The following ZC3H12B variants were observed in gnomAD, a reference collection of about 807,000 sequenced individuals.
ZC3H12B encodes zinc finger CCCH-type containing 12B, also known as probable ribonuclease ZC3H12B.
In ZC3H12B, 7 loss-of-function variants were observed where a neutral mutation model predicts 43.9. The ratio of observed to expected loss-of-function variants is 0.16; its 90% CI spans 0.09 to 0.30. The LOEUF is 0.30. Ranked by LOEUF, ZC3H12B falls within the 10% of genes least tolerant of loss-of-function variation. The pLI is 1.00. For missense variants in ZC3H12B, 475 were observed against 670.2 expected (o/e 0.71, Z 3.22); for synonymous variants, 222 against 241.7 (o/e 0.92, Z 0.76).
At chrX:65,221,318 C>A in the ZC3H12B span, among the ~76,000 whole-genome samples, 74 of 110,878 alleles carry the variant, frequency 6.7e-4, no homozygotes, top group African/African-American at 2.2e-3. Context: ...CCAAATCTAG[C>A]AGAAGAAAAT....
the ZC3H12B span, among the ~76,000 whole-genome samples, chrX:65,132,734 A>C: frequency 9.0e-6 from 1 of 111,562 alleles, no homozygotes; most frequent in East Asian, 2.8e-4. Flanking sequence ...CAATACCCAC[A>C]ACAGTTATGG....
chrX:65,182,277 G>A, the ZC3H12B span, among the ~76,000 whole-genome samples: 1 of 110,881 alleles, frequency 9.0e-6, no homozygotes. Context: ...GGGAGGGAGA[G>A]CATTAGGACA....
At chrX:65,080,602 A>C in the ZC3H12B span, among the ~76,000 whole-genome samples, 2 of 111,849 alleles carry the variant, frequency 1.8e-5, no homozygotes, top group Non-Finnish European at 3.8e-5. Flanking sequence ...AAGAAAAAAA[A>C]CTTTCACCCT....
intron 2 of ZC3H12B, among the ~76,000 whole-genome samples, chrX:65,387,874 G>A (rs1419017101): frequency 1.8e-5 from 2 of 112,368 alleles, no homozygotes; most frequent in African/African-American, 6.4e-5. Context: ...TGTCTGTAAA[G>A]GATTTTATTT....
At chrX:65,288,950 T>G in the ZC3H12B span, among the ~76,000 whole-genome samples, 1 of 111,069 alleles carries the variant, frequency 9.0e-6, no homozygotes, top group Non-Finnish European at 1.9e-5. Flanking sequence ...ATTAAAAATG[T>G]TCTAGCTGAG....
the ZC3H12B span, among the ~76,000 whole-genome samples, chrX:65,052,292 T>A: frequency 1.8e-5 from 2 of 111,756 alleles, no homozygotes; most frequent in African/African-American, 6.5e-5. Context: ...ATATATCCAC[T>A]CAAGAATTTA....
the ZC3H12B span, among the ~76,000 whole-genome samples, chrX:65,122,333 G>A: frequency 5.4e-5 from 6 of 110,923 alleles, no homozygotes; most frequent in Admixed American, 3.8e-4. Context: ...ACAAGCAAAT[G>A]CTGAGAGATT....
At chrX:65,438,706 G>C (rs2067258736) in intron 3 of ZC3H12B, among the ~76,000 whole-genome samples, 2 of 113,394 alleles carry the variant, frequency 1.8e-5, no homozygotes, top group Non-Finnish European at 3.7e-5. Context: ...ATTGCAGCAG[G>C]AACACGCCCT....
the ZC3H12B span, among the ~76,000 whole-genome samples, chrX:65,082,702 T>A: frequency 7.4e-4 from 82 of 111,071 alleles, 1 homozygote; most frequent in East Asian, 0.022. Context: ...CGAAAAGCAA[T>A]CCTACTCAAA....
At chrX:65,306,238 A>G in the ZC3H12B span, among the ~76,000 whole-genome samples, 25 of 112,520 alleles carry the variant, frequency 2.2e-4, no homozygotes, top group Non-Finnish European at 1.3e-4. Flanking sequence ...TGGCTAGGTT[A>G]TGGAACAACT....
At chrX:65,186,657 C>G in the ZC3H12B span, 1 of 110,346 alleles carries the variant, frequency 9.1e-6, no homozygotes, top group Admixed American at 9.7e-5. Flanking sequence ...ACACTGTACC[C>G]AATGTGTAGC....
the ZC3H12B span, among the ~76,000 whole-genome samples, chrX:65,207,251 TACACACACACAC>T: frequency 9.9e-5 from 10 of 101,037 alleles, no homozygotes; most frequent in African/African-American, 3.7e-4. Context: ...TGTGTATATA[TACACACACACAC>T]ACACACACAC....
intron 3 of ZC3H12B, among the ~76,000 whole-genome samples, chrX:65,401,400 G>A (rs760402994): frequency 8.9e-6 from 1 of 111,915 alleles, no homozygotes; most frequent in East Asian, 2.8e-4. Flanking sequence ...ACCTTAGCCA[G>A]AGGGTAGTCA....
At chrX:65,086,243 T>A in the ZC3H12B span, among the ~76,000 whole-genome samples, 1 of 111,568 alleles carries the variant, frequency 9.0e-6, no homozygotes, top group Non-Finnish European at 1.9e-5. Flanking sequence ...AAACCATGAA[T>A]TCTAAAGCCA....
the ZC3H12B span, among the ~76,000 whole-genome samples, chrX:65,347,799 T>C: frequency 8.9e-6 from 1 of 112,229 alleles, no homozygotes; most frequent in Non-Finnish European, 1.9e-5. Context: ...ATGTTTATTG[T>C]GGCACTATTC....
At chrX:65,362,202 C>T (rs917397340), upstream of ZC3H12B, among the ~76,000 whole-genome samples, 2 of 111,697 alleles carry the variant, frequency 1.8e-5, no homozygotes, top group Non-Finnish European at 1.9e-5. Flanking sequence ...ACTGCCCGAT[C>T]GCCTCAAAAG....
At chrX:65,179,211 A>T in the ZC3H12B span, among the ~76,000 whole-genome samples, 3 of 109,554 alleles carry the variant, frequency 2.7e-5, no homozygotes, top group Non-Finnish European at 3.8e-5. Flanking sequence ...GAACAATGAG[A>T]ACACATGGAC....
chrX:65,376,363 G>A (rs1007607995), intron 2 of ZC3H12B, among the ~76,000 whole-genome samples: 14 of 112,102 alleles, frequency 1.2e-4, no homozygotes, highest in Non-Finnish European at 2.3e-4. Flanking sequence ...CCTGAAGGGA[G>A]AGATGCAATG....
chrX:65,212,223 T>A, the ZC3H12B span, among the ~76,000 whole-genome samples: 8 of 18,568 alleles, frequency 4.3e-4, no homozygotes, highest in African/African-American at 1.3e-3. Context: ...ATATTATATA[T>A]TATATTATAT....
Sources: gnomAD v4.1 joint callset for allele counts (sites outside exome capture counted in the v4.1 genomes callset) on GRCh38, gnomAD v4.1.1 for gene constraint, MANE v1.5 for transcripts, NCBI Gene and HGNC (gene_info 2026-07-23, HGNC 2026-07-21) for gene names.